MIS18A: variants seen among roughly 807,000 people sequenced by gnomAD.
The protein encoded by MIS18A is MIS18 kinetochore protein A.
In MIS18A, 14 loss-of-function variants were observed where a neutral mutation model predicts 25.0. That is an observed-to-expected ratio of 0.56 (90% CI 0.37 to 0.88). The LOEUF is 0.88. MIS18A is among the 40% of genes least tolerant of loss of function. The pLI, the probability that MIS18A is intolerant of heterozygous loss-of-function variation, is 0.00. For missense variants in MIS18A, 292 were observed against 290.8 expected, an observed-to-expected ratio of 1.00 and a Z score of -0.03; for synonymous variants, 134 against 118.6, an observed-to-expected ratio of 1.13 and a Z score of -0.84.
In MIS18A at chr21:32,268,470, T is replaced by C. The variant is rs1261991581; in HGVS notation, c.*567A>G. The stretch of plus-strand genomic sequence containing the variant: ...GTTTTCAAATGGTTCTGACAGATCA[T>C]TCTGACCAATTTCTCCAGGGAACTT... On this transcript the variant is annotated 3_prime_UTR_variant, in exon 5 of 5. Transcript: ENST00000290130. 2 of 152,226 alleles carry C rather than the reference T, an allele frequency of 1.3e-5. No homozygotes were observed. The highest frequency in any genetic ancestry group is 4.8e-5 in the African/African-American group (2 of 41,462). The allele number at this position is 152,226 out of a possible 1,614,324, so 9.4% of individuals were successfully genotyped here. A position where few individuals can be genotyped will look rare whatever the true frequency, so the allele number is the denominator to read the frequency against.
chr21:32,213,336 A>T, the MIS18A span, among the ~76,000 whole-genome samples: 1 of 152,270 alleles, frequency 6.6e-6, no homozygotes, highest in South Asian at 2.1e-4. Context: ...ACTGTTATTA[A>T]AAAGAAGAAT....
downstream of MIS18A, among the ~76,000 whole-genome samples, chr21:32,266,687 A>G (rs565930638): frequency 6.3e-4 from 95 of 151,724 alleles, no homozygotes; most frequent in African/African-American, 2.0e-3. Context: ...AGAAACTCCG[A>G]ACACATCTGA....
the MIS18A span, among the ~76,000 whole-genome samples, chr21:32,223,976 C>T: frequency 6.6e-6 from 1 of 152,006 alleles, no homozygotes; most frequent in African/African-American, 2.4e-5. Context: ...GTTCAACATA[C>T]ACAAATCAAT....
At chr21:32,172,227 T>C in the MIS18A span, among the ~76,000 whole-genome samples, 1 of 152,090 alleles carries the variant, frequency 6.6e-6, no homozygotes, top group Admixed American at 6.5e-5. Context: ...TGGAAAATAG[T>C]ATGTAGATTC....
chr21:32,251,078 T>C, the MIS18A span, among the ~76,000 whole-genome samples: 6 of 152,174 alleles, frequency 3.9e-5, no homozygotes, highest in African/African-American at 1.4e-4. Context: ...GAAGGACCTG[T>C]TTGCTTCCCC....
chr21:32,176,384 G>A, the MIS18A span, among the ~76,000 whole-genome samples: 2 of 152,084 alleles, frequency 1.3e-5, no homozygotes. Flanking sequence ...TAATCTTATA[G>A]AACCATCACT....
chr21:32,255,685 C>A, the MIS18A span, among the ~76,000 whole-genome samples: 1 of 151,470 alleles, frequency 6.6e-6, no homozygotes, highest in Non-Finnish European at 1.5e-5. Flanking sequence ...GTCAGTAGAT[C>A]GAGACCATCC....
chr21:32,188,669 T>C, the MIS18A span, among the ~76,000 whole-genome samples: 3 of 152,118 alleles, frequency 2.0e-5, no homozygotes, highest in Non-Finnish European at 2.9e-5. Context: ...TCCCAGTGAC[T>C]GGTGTGGAGA....
rs151033812 is a variant in MIS18A at position 32,278,825 on chromosome 21, T to G, written c.190A>C (p.Met64Leu). 1 of 1,603,184 alleles carries G rather than the reference T, an allele frequency of 6.2e-7. No homozygotes were observed. Among genetic ancestry groups the G allele is most frequent in the African/African-American group, 1.3e-5 (1 of 74,946 alleles). Residue 64 changes from methionine to leucine, a missense_variant, in exon 1 of 5, where the codon ATG becomes CTG. Coordinates refer to ENST00000290130, the MANE Select transcript of MIS18A (RefSeq NM_018944.3). The part of the protein sequence containing the change: ...SMSEDASVAD[M>L]ERAQLEEEAA... The stretch of plus-strand genomic sequence containing the variant: ...TCCTCCTCCAGCTGCGCCCTCTCCA[T>G]GTCGGCCACCGACGCGTCTTCGCTC...
At chr21:32,188,219 C>T in the MIS18A span, among the ~76,000 whole-genome samples, 8 of 152,330 alleles carry the variant, frequency 5.3e-5, no homozygotes, top group African/African-American at 1.2e-4. Context: ...CCCAAGCTGA[C>T]GAAGACAGCC....
At chr21:32,257,141 T>G in the MIS18A span, among the ~76,000 whole-genome samples, 2 of 152,182 alleles carry the variant, frequency 1.3e-5, no homozygotes, top group Non-Finnish European at 2.9e-5. Flanking sequence ...TTCGACTGGT[T>G]ATGGCTTCGC....
the MIS18A span, among the ~76,000 whole-genome samples, chr21:32,161,937 C>T: frequency 1.3e-5 from 2 of 151,992 alleles, no homozygotes; most frequent in Non-Finnish European, 1.5e-5. Context: ...CTCAGAAACT[C>T]TACTTTCCAC....
At chr21:32,156,281 T>C in the MIS18A span, 1 of 152,230 alleles carries the variant, frequency 6.6e-6, no homozygotes, top group African/African-American at 2.4e-5. Context: ...CCATTTTTAT[T>C]TTATTATGGA....
the MIS18A span, among the ~76,000 whole-genome samples, chr21:32,254,588 A>G: frequency 6.6e-6 from 1 of 152,152 alleles, no homozygotes; most frequent in Non-Finnish European, 1.5e-5. Flanking sequence ...CACCTTTACC[A>G]TATCTAATCC....
the MIS18A span, among the ~76,000 whole-genome samples, chr21:32,256,255 GTA>G: frequency 6.6e-6 from 1 of 152,138 alleles, no homozygotes; most frequent in Non-Finnish European, 1.5e-5. Flanking sequence ...CCCTCAGAGA[GTA>G]CCACTGCCTC....
the MIS18A span, among the ~76,000 whole-genome samples, chr21:32,181,502 G>C: frequency 1.3e-5 from 2 of 152,182 alleles, no homozygotes; most frequent in East Asian, 3.8e-4. Flanking sequence ...ATGCCAGTGA[G>C]AAGGAGAAAT....
chr21:32,274,981 T>C, intron 1 of MIS18A, 85 bp from the exon 2 acceptor site: 2 of 1,172,866 alleles, frequency 1.7e-6, no homozygotes, highest in South Asian at 1.4e-5. Flanking sequence ...TCCAACTTTT[T>C]AGAACTCGGA....
At chr21:32,200,804 C>T in the MIS18A span, among the ~76,000 whole-genome samples, 1 of 152,126 alleles carries the variant, frequency 6.6e-6, no homozygotes, top group Non-Finnish European at 1.5e-5. Flanking sequence ...GCTCCTTATT[C>T]TGAAAAATGT....
the MIS18A span, among the ~76,000 whole-genome samples, chr21:32,221,851 C>T: frequency 6.6e-6 from 1 of 151,714 alleles, no homozygotes; most frequent in Non-Finnish European, 1.5e-5. Flanking sequence ...AAGATCATGC[C>T]ACTGCACTCC....
Sources: allele counts gnomAD v4.1 joint callset (sites outside exome capture counted in the v4.1 genomes callset), GRCh38; gene constraint gnomAD v4.1.1; transcripts MANE v1.5; gene names NCBI Gene and HGNC (gene_info 2026-07-23, HGNC 2026-07-21).